Variants in NIPAL2 observed in about 807,000 individuals in gnomAD.
The protein encoded by NIPAL2 is NIPA-like protein 2.
NIPAL2 carries 43 observed loss-of-function variants against 48.9 expected under a neutral mutation model. The observed-to-expected ratio is 0.88, with a 90% CI of 0.69 to 1.13. The LOEUF is 1.13. Ranked by LOEUF, NIPAL2 falls within the 50% of genes most tolerant of loss-of-function variation. The pLI is 0.00. For synonymous variants in NIPAL2, 167 were observed against 174.6 expected (o/e 0.96, Z 0.34); for missense variants, 446 against 461.4 (o/e 0.97, Z 0.31).
At chr8:98,243,499 G>T (rs1037217945) in intron 3 of NIPAL2, among the ~76,000 whole-genome samples, 2 of 152,098 alleles carry the variant, frequency 1.3e-5, no homozygotes, top group African/African-American at 4.8e-5. Context: ...ATCAACCCTC[G>T]GTTTGTCCTT....
At chr8:98,216,418 G>A (rs977561223) in intron 5 of NIPAL2, among the ~76,000 whole-genome samples, 1 of 152,208 alleles carries the variant, frequency 6.6e-6, no homozygotes, top group Non-Finnish European at 1.5e-5. Flanking sequence ...CAGCCACTCT[G>A]CTACCGAAGA....
At chr8:98,274,426 C>T (rs1563547908) in intron 1 of NIPAL2, among the ~76,000 whole-genome samples, 1 of 151,856 alleles carries the variant, frequency 6.6e-6, no homozygotes, top group African/African-American at 2.4e-5. Flanking sequence ...TGGCTTTAGA[C>T]TTTTTTTCCT....
chr8:98,286,812 C>CAAAAAAAAAA (rs1182876107), intron 1 of NIPAL2, among the ~76,000 whole-genome samples: 1 of 57,888 alleles, frequency 1.7e-5, no homozygotes, highest in Non-Finnish European at 3.4e-5. Flanking sequence ...GAGACTCTGT[C>CAAAAAAAAAA]AAAAAAAAAA....
rs774389960 is a variant in NIPAL2, at chr8:98,212,527, G to T, written c.559-26C>A. On this transcript the variant is annotated intron_variant, in intron 5 of 10. Transcript: ENST00000430223. ...CTAGAAATGAAAAAGATGGAAAAGA[G>T]TAAGTTATTCTATGCAAAGTCTTCA... 5 of 1,162,814 alleles carry T rather than the reference G, an allele frequency of 4.3e-6. No individual in the cohort carries two copies. The South Asian group carries it at 5.0e-5, about 12-fold the overall frequency. The allele number at this position is 1,162,814 out of a possible 1,614,324, so 72.0% of individuals were successfully genotyped here. A position where few individuals can be genotyped will look rare whatever the true frequency, so the allele number is the denominator to read the frequency against.
chr8:98,258,420 A>G (rs895143866), intron 1 of NIPAL2, among the ~76,000 whole-genome samples: 6 of 152,234 alleles, frequency 3.9e-5, no homozygotes, highest in African/African-American at 1.4e-4. Context: ...TGGTGAAGTA[A>G]GTCAGAGTGT....
rs149264223 is a variant in NIPAL2, at chr8:98,231,457, C to G, written c.436+4698G>C. On this transcript the variant is annotated intron_variant, in intron 4 of 10. Transcript: ENST00000430223. ...TTAATCTCCTGATATTCTATTTAGG[C>G]TGACTGTCATTTTTATTTCCATGAT... Among the ~76,000 whole-genome samples, 1,045 of 152,246 alleles carry G rather than the reference C, an allele frequency of 6.9e-3. 12 individuals carry two copies. Among genetic ancestry groups the G allele is most frequent in the African/African-American group, 0.024 (1,011 of 41,534 alleles).
chr8:98,232,550 C>T (rs1812490076), intron 4 of NIPAL2, among the ~76,000 whole-genome samples: 1 of 152,000 alleles, frequency 6.6e-6, no homozygotes, highest in Non-Finnish European at 1.5e-5. Flanking sequence ...TAGAGTTTTA[C>T]ATATATGAAC....
intron 1 of NIPAL2, among the ~76,000 whole-genome samples, chr8:98,281,242 T>C (rs1290473460): frequency 1.3e-5 from 2 of 152,068 alleles, no homozygotes; most frequent in African/African-American, 4.8e-5. Context: ...TTGGTATTCA[T>C]TCAGCAACTG....
chr8:98,270,455 C>T (rs998119036), intron 1 of NIPAL2, among the ~76,000 whole-genome samples: 10 of 151,784 alleles, frequency 6.6e-5, no homozygotes, highest in Admixed American at 5.3e-4. Flanking sequence ...GCATTTTTTC[C>T]GTGTTTGTTA....
intron 4 of NIPAL2, 63 bp from the exon 5 acceptor site, chr8:98,222,663 A>C: frequency 6.5e-7 from 1 of 1,542,394 alleles, no homozygotes; most frequent in Non-Finnish European, 8.9e-7. Context: ...GTTGACGCAG[A>C]CATTGCCTAG....
At chr8:98,232,764 T>C (rs966164665) in intron 4 of NIPAL2, among the ~76,000 whole-genome samples, 5 of 152,192 alleles carry the variant, frequency 3.3e-5, no homozygotes, top group Admixed American at 3.3e-4. Flanking sequence ...ATACTATAGC[T>C]ATACCAGATT....
chr8:98,196,010 AAC>A lies in NIPAL2; in HGVS notation c.881-7_881-6del. 6.5e-7 allele frequency: 1 copy of A among 1,549,204 alleles called. No homozygotes were observed. The highest frequency in any genetic ancestry group is 8.8e-7 in the Non-Finnish European group (1 of 1,134,550). ...ATTCCTGATAAAATATGATACCTGTAACACAGGAAAAGAAGACAAAATTGATT... is the reference window on the plus strand; with the variant it reads ...ATTCCTGATAAAATATGATACCTGTAACAGGAAAAGAAGACAAAATTGATT... On this transcript the variant is annotated splice_region_variant and splice_polypyrimidine_tract_variant and intron_variant, in intron 8 of 10. Transcript: ENST00000430223.
At chr8:98,210,551 C>T (rs956508056) in intron 6 of NIPAL2, among the ~76,000 whole-genome samples, 1 of 152,180 alleles carries the variant, frequency 6.6e-6, no homozygotes, top group Admixed American at 6.5e-5. Context: ...TACACAGGCA[C>T]TTGAAAGAAA....
intron 4 of NIPAL2, among the ~76,000 whole-genome samples, chr8:98,229,041 C>T (rs1812314444): frequency 6.6e-6 from 1 of 152,212 alleles, no homozygotes; most frequent in Admixed American, 6.5e-5. Context: ...GGACATAAAA[C>T]AGCAGCCAGA....
intron 5 of NIPAL2, chr8:98,217,088 G>A (rs1017859170): frequency 2.0e-6 from 2 of 985,298 alleles, no homozygotes; most frequent in South Asian, 4.7e-5. Flanking sequence ...GGCAAGGATG[G>A]GGATTGCCCA....
intron 2 of NIPAL2, 53 bp from the exon 3 acceptor site, chr8:98,252,687 T>G: frequency 4.1e-6 from 6 of 1,457,920 alleles, no homozygotes; most frequent in Non-Finnish European, 4.6e-6. Context: ...ATGAGGGGAA[T>G]GCCACTTTTT....
rs370658140 is a variant in NIPAL2, at chr8:98,205,106, C to T, written c.791+5G>A. 267 of 1,613,304 alleles carry T rather than the reference C, an allele frequency of 1.7e-4. No individual in the cohort carries two copies. Among genetic ancestry groups the T allele is most frequent in the Non-Finnish European group, 2.2e-4 (255 of 1,179,776 alleles). ...AGATTAGTGAGTATGCAGAAGCTAA[C>T]TTACTTGACTTGGAAAACACAAGAT... On this transcript the variant is annotated splice_donor_5th_base_variant and intron_variant, in intron 7 of 10. Transcript: ENST00000430223.
chr8:98,219,629 T>C (rs1210915111), intron 5 of NIPAL2, among the ~76,000 whole-genome samples: 1 of 152,176 alleles, frequency 6.6e-6, no homozygotes, highest in Non-Finnish European at 1.5e-5. Context: ...GTTGGGAATG[T>C]AAATACTCTA....
intron 1 of NIPAL2, among the ~76,000 whole-genome samples, chr8:98,259,276 C>T (rs1196622791): frequency 6.6e-6 from 1 of 151,108 alleles, no homozygotes; most frequent in Non-Finnish European, 1.5e-5. Context: ...GGGGTTTCAC[C>T]GTGTTAGCCA....
Sources: allele counts gnomAD v4.1 joint callset (sites outside exome capture counted in the v4.1 genomes callset), GRCh38; gene constraint gnomAD v4.1.1; transcripts MANE v1.5; gene names NCBI Gene and HGNC (gene_info 2026-07-23, HGNC 2026-07-21).